HEG1: variants seen among roughly 807,000 people sequenced by gnomAD.
The protein encoded by HEG1 is heart development protein with EGF like domains 1, also known as protein HEG homolog 1.
In HEG1, 56 loss-of-function variants were observed where a neutral mutation model predicts 125.6. That is an observed-to-expected ratio of 0.45 (90% CI 0.36 to 0.56). HEG1 has a LOEUF of 0.56. HEG1 is among the 20% of genes least tolerant of loss of function. HEG1 has a pLI of 0.00. For synonymous variants in HEG1, 644 were observed against 668.5 expected (o/e 0.96, Z 0.57); for missense variants, 1,523 against 1,670.0 (o/e 0.91, Z 1.53).
chr3:125,017,988 C>T (rs1456923386), intron 5 of HEG1, among the ~76,000 whole-genome samples: 1 of 151,200 alleles, frequency 6.6e-6, no homozygotes, highest in Admixed American at 6.6e-5. Context: ...GGGATGGTGC[C>T]ACTGCACTCT....
intron 1 of HEG1, among the ~76,000 whole-genome samples, chr3:125,036,457 G>C (rs763383861): frequency 4.7e-4 from 71 of 152,166 alleles, no homozygotes; most frequent in Non-Finnish European, 9.3e-4. Context: ...GGAGTGGTCA[G>C]AGTTTTTATT....
In HEG1 at chr3:125,021,141, AAAAGATATGCTTCAAAATT is replaced by A. The variant is rs1560028473; in HGVS notation, c.914-30_914-12del. On this transcript the variant is annotated splice_polypyrimidine_tract_variant and intron_variant, in intron 3 of 16. Transcript: ENST00000311127. ...CTGTACTTTCAGAAGCTACAATGGA[AAAAGATATGCTTCAAAATT>A]ACTCAGGAGTTTAAGAAAATCCGGA... The A allele has an allele frequency of 6.5e-7, 1 of 1,531,170 alleles. No homozygotes were observed. The highest frequency in any genetic ancestry group is 2.4e-5 in the East Asian group (1 of 41,096). 94.8% of individuals were successfully genotyped at this position (1,531,170 alleles called of 1,614,324 possible).
chr3:125,005,841 C>T (rs1286084596), intron 8 of HEG1, among the ~76,000 whole-genome samples: 1 of 152,216 alleles, frequency 6.6e-6, no homozygotes, highest in Non-Finnish European at 1.5e-5. Flanking sequence ...CTGAGGTCTC[C>T]AACTGAGTCA....
At chr3:125,023,538 G>A (rs1328108452) in intron 3 of HEG1, among the ~76,000 whole-genome samples, 1 of 152,134 alleles carries the variant, frequency 6.6e-6, no homozygotes, top group Non-Finnish European at 1.5e-5. Flanking sequence ...ATCCTCACGG[G>A]AAAGCTATGA....
intron 15 of HEG1, among the ~76,000 whole-genome samples, chr3:124,976,586 T>G (rs1026128232): frequency 1.6e-4 from 25 of 152,054 alleles, no homozygotes; most frequent in Non-Finnish European, 3.5e-4. Context: ...ACTAATGATG[T>G]TGACCATCTT....
intron 6 of HEG1, among the ~76,000 whole-genome samples, chr3:125,011,976 G>A (rs1184323848): frequency 2.0e-5 from 3 of 152,216 alleles, no homozygotes; most frequent in Admixed American, 6.5e-5. Flanking sequence ...TAAGTGTGAT[G>A]TAAAGGAGCT....
At chr3:125,005,987 C>T (rs1318791392) in intron 8 of HEG1, among the ~76,000 whole-genome samples, 2 of 152,178 alleles carry the variant, frequency 1.3e-5, no homozygotes, top group Non-Finnish European at 2.9e-5. Flanking sequence ...CAGGCAACTT[C>T]CTAAGAAAGC....
Position 125,019,514 on chromosome 3 carries a change from C to G in HEG1, c.1336G>C (p.Val446Leu), listed in dbSNP as rs777188199. 1 of 1,613,962 alleles carries G rather than the reference C, an allele frequency of 6.2e-7. No individual in the cohort carries two copies. Among genetic ancestry groups the G allele is most frequent in the Non-Finnish European group, 8.5e-7 (1 of 1,179,856 alleles). ...ATCTCTCCACCTCTCATGGGTGCGA[C>G]TGACCTAGACACAGTCTCAGTCTGA... is the stretch of plus-strand genomic sequence containing the variant. ...MSQTETVSRS[V>L]APMRGGEITA... The change falls in exon 5 of 17, where the codon GTC becomes CTC. Residue 446 changes from valine to leucine, a missense_variant. Val to Leu is a conservative substitution (Grantham distance 32). Coordinates refer to ENST00000311127, the MANE Select transcript of HEG1 (RefSeq NM_020733.2).
At chr3:125,024,839 C>A (rs1937392438) in intron 3 of HEG1, among the ~76,000 whole-genome samples, 1 of 152,184 alleles carries the variant, frequency 6.6e-6, no homozygotes, top group African/African-American at 2.4e-5. Context: ...TGGTCAAATT[C>A]CTTCATGTTC....
At chr3:125,003,459 G>A (rs1237712292) in intron 9 of HEG1, among the ~76,000 whole-genome samples, 2 of 152,226 alleles carry the variant, frequency 1.3e-5, no homozygotes, top group Non-Finnish European at 2.9e-5. Context: ...AAATTCTGCT[G>A]TGTAGTAAAG....
chr3:125,048,887 G>A (rs1937739486), intron 1 of HEG1, among the ~76,000 whole-genome samples: 1 of 152,214 alleles, frequency 6.6e-6, no homozygotes. Context: ...GGTAGTGGGT[G>A]AGGAAAGGAG....
At chr3:124,983,537 G>C (rs1936688774) in intron 14 of HEG1, among the ~76,000 whole-genome samples, 1 of 147,512 alleles carries the variant, frequency 6.8e-6, no homozygotes, top group Non-Finnish European at 1.5e-5. Flanking sequence ...GTCTCGCTAT[G>C]TTGCCCAGGT....
At position 125,013,727 on chromosome 3, in the gene HEG1, A is replaced by G. The variant is rs1232980972; in HGVS notation, c.1852T>C (p.Tyr618His). ...RSNISSYDGE[Y>H]AQPSTESPVL... ...GGCGACTCAGTAGAAGGCTGAGCATATTCCCCGTCATAGGATGAGATGTTA... is the reference window on the plus strand; with the variant it reads ...GGCGACTCAGTAGAAGGCTGAGCATGTTCCCCGTCATAGGATGAGATGTTA... The change falls in exon 6 of 17, where the codon TAT (tyrosine) becomes CAT (histidine). Residue 618 changes from tyrosine to histidine, a missense_variant. Tyr to His is a moderately conservative substitution (Grantham distance 83). Transcript: ENST00000311127. The G allele has an allele frequency of 2.5e-6, 4 of 1,613,926 alleles. No individual in the cohort carries two copies. The African/African-American group carries it at 5.3e-5, about 22-fold the overall frequency.
At chr3:125,037,740 C>A (rs1310718434) in intron 1 of HEG1, among the ~76,000 whole-genome samples, 2 of 152,256 alleles carry the variant, frequency 1.3e-5, no homozygotes, top group Non-Finnish European at 2.9e-5. Flanking sequence ...GAAACTACTG[C>A]TTTCCGTGTC....
chr3:124,987,186 TAGAG>T (rs1936751691), intron 14 of HEG1, among the ~76,000 whole-genome samples: 1 of 152,072 alleles, frequency 6.6e-6, no homozygotes, highest in Non-Finnish European at 1.5e-5. Flanking sequence ...GCCTGGGCAA[TAGAG>T]AGAGACCTCA....
rs930114334 is a variant in HEG1, at chr3:124,969,724, G to C, written c.*928C>G. 6.6e-6 allele frequency: 1 copy of C among 152,222 alleles called. No individual in the cohort carries two copies. The highest frequency in any genetic ancestry group is 2.4e-5 in the African/African-American group (1 of 41,440). 9.4% of individuals were successfully genotyped at this position (152,222 alleles called of 1,614,324 possible). ...GGGCTCAACAAGCTGCTTTCCTAGA[G>C]TGGTGAAACCTGCGTTCAGTTTGAC... On this transcript the variant is annotated 3_prime_UTR_variant, in exon 17 of 17. Transcript: ENST00000311127.
Position 125,002,287 on chromosome 3 carries a change from C to T in HEG1, c.3326G>A (p.Ser1109Asn). The stretch of plus-strand genomic sequence containing the variant: ...GGCGTGAACTGTAGATCGGATGTAA[C>T]TAGGTAACGCTGAAAAACACATATT... ...TLNMCFSALPSYIRSTVHASR... is the reference protein window; with the variant it reads ...TLNMCFSALPNYIRSTVHASR... The change falls in exon 10 of 17, where the codon AGT becomes AAT. Residue 1109 changes from serine (S) to asparagine (N), a missense_variant. Coordinates refer to ENST00000311127, the MANE Select transcript of HEG1 (RefSeq NM_020733.2). 1 of 1,613,704 alleles carries T rather than the reference C, an allele frequency of 6.2e-7. No homozygotes were observed. The highest frequency in any genetic ancestry group is 8.5e-7 in the Non-Finnish European group (1 of 1,179,766).
rs989543408 is a variant in HEG1 at position 124,990,663 on chromosome 3, T to C, written c.3733+124A>G. The C allele has an allele frequency of 1.4e-4, 126 of 909,694 alleles. 1 individual carries two copies. Among genetic ancestry groups the C allele is most frequent in the Middle Eastern group, 5.3e-4 (2 of 3,754 alleles). 56.4% of individuals were successfully genotyped at this position (909,694 alleles called of 1,614,324 possible). A position where few individuals can be genotyped will look rare whatever the true frequency, so the allele number is the denominator to read the frequency against. On this transcript the variant is annotated intron_variant, in intron 14 of 16. Coordinates refer to ENST00000311127, the MANE Select transcript of HEG1 (RefSeq NM_020733.2). ...CTTTCTCTTTGTTTCCCCCATGCCA[T>C]TGGCATAGAACCTAAGAAGACAGCA...
At chr3:124,994,049 C>G (rs772487778) in intron 12 of HEG1, among the ~76,000 whole-genome samples, 5 of 152,136 alleles carry the variant, frequency 3.3e-5, no homozygotes, top group African/African-American at 4.8e-5. Context: ...TTTTTGGCAC[C>G]AGTGACTGGT....
Sources: allele counts gnomAD v4.1 joint callset (sites outside exome capture counted in the v4.1 genomes callset), GRCh38; gene constraint gnomAD v4.1.1; transcripts MANE v1.5; gene names NCBI Gene and HGNC (gene_info 2026-07-23, HGNC 2026-07-21).